C10orf90: variants seen among roughly 807,000 people sequenced by gnomAD.
The protein encoded by C10orf90 is (E2-independent) E3 ubiquitin-conjugating enzyme FATS.
Under a neutral mutation model 62.5 loss-of-function variants are expected in C10orf90, and 56 were observed. The ratio of observed to expected loss-of-function variants is 0.90; its 90% CI spans 0.72 to 1.12. The LOEUF is 1.12. C10orf90 is among the 50% of genes most tolerant of loss of function. The pLI, the probability that C10orf90 is intolerant of heterozygous loss-of-function variation, is 0.00. For synonymous variants in C10orf90, 386 were observed against 340.4 expected (o/e 1.13, Z -1.47); for missense variants, 970 against 880.4 (o/e 1.10, Z -1.29).
intron 2 of C10orf90, among the ~76,000 whole-genome samples, chr10:126,638,185 T>C (rs1845990302): frequency 6.6e-6 from 1 of 152,124 alleles, no homozygotes; most frequent in Non-Finnish European, 1.5e-5. Flanking sequence ...AACTCAGATT[T>C]CTGCATTGCT....
intron 2 of C10orf90, among the ~76,000 whole-genome samples, chr10:126,565,327 ATT>A (rs1447027620): frequency 2.0e-5 from 1 of 49,078 alleles, no homozygotes; most frequent in African/African-American, 1.0e-4. Context: ...TATATTATAT[ATT>A]TATATTATAT....
chr10:126,466,391 CAA>C (rs1183831342), intron 4 of C10orf90, among the ~76,000 whole-genome samples: 26 of 141,990 alleles, frequency 1.8e-4, no homozygotes, highest in Admixed American at 1.5e-3. Context: ...CACACACACA[CAA>C]AAGAATATTC....
intron 2 of C10orf90, among the ~76,000 whole-genome samples, chr10:126,546,046 A>G (rs1395096739): frequency 6.6e-6 from 1 of 152,184 alleles, no homozygotes; most frequent in African/African-American, 2.4e-5. Flanking sequence ...TGTCTCATGC[A>G]TCTCAGACTT....
chr10:126,595,758 G>A (rs947648017), intron 2 of C10orf90, among the ~76,000 whole-genome samples: 10 of 152,222 alleles, frequency 6.6e-5, no homozygotes, highest in African/African-American at 1.7e-4. Context: ...CAATAAAGGC[G>A]AATATAGCAG....
intron 2 of C10orf90, among the ~76,000 whole-genome samples, chr10:126,563,183 T>G (rs1864942074): frequency 6.6e-6 from 1 of 152,210 alleles, no homozygotes; most frequent in African/African-American, 2.4e-5. Flanking sequence ...GTCCACTCAC[T>G]GCCTTGGGCC....
At chr10:126,667,128 G>A (rs961079274) in intron 1 of C10orf90, among the ~76,000 whole-genome samples, 25 of 151,700 alleles carry the variant, frequency 1.6e-4, no homozygotes, top group East Asian at 1.4e-3. Flanking sequence ...GCACAATCTC[G>A]GCTCATTGCA....
At chr10:126,616,733 A>C (rs1396656655) in intron 2 of C10orf90, among the ~76,000 whole-genome samples, 1 of 152,194 alleles carries the variant, frequency 6.6e-6, no homozygotes, top group Non-Finnish European at 1.5e-5. Context: ...TTCACCATTA[A>C]AGCCAAGCTT....
At chr10:126,449,047 T>A (rs1455111540) in intron 7 of C10orf90, among the ~76,000 whole-genome samples, 1 of 152,204 alleles carries the variant, frequency 6.6e-6, no homozygotes, top group East Asian at 1.9e-4. Flanking sequence ...GAGGCCATCA[T>A]TACTCTGACA....
chr10:126,447,424 TG>T (rs1359065884), intron 7 of C10orf90, among the ~76,000 whole-genome samples: 1 of 152,040 alleles, frequency 6.6e-6, no homozygotes, highest in African/African-American at 2.4e-5. Context: ...AGTCCAAAAC[TG>T]TAAAAAGAGA....
At chr10:126,617,103 C>T (rs73386876) in intron 2 of C10orf90, among the ~76,000 whole-genome samples, 7,343 of 152,220 alleles carry the variant, frequency 0.048, 523 homozygotes, top group African/African-American at 0.16. Context: ...CAAAGAGAAG[C>T]AGAGCAAAAA....
chr10:126,555,750 C>G (rs1864755644), intron 2 of C10orf90, among the ~76,000 whole-genome samples: 1 of 149,904 alleles, frequency 6.7e-6, no homozygotes, highest in African/African-American at 2.5e-5. Context: ...CTAATCAAAT[C>G]CTCCAAATTT....
chr10:126,505,277 G>A (rs1862665484), intron 3 of C10orf90, among the ~76,000 whole-genome samples, 192 bp from the exon 4 acceptor site: 1 of 152,170 alleles, frequency 6.6e-6, no homozygotes, highest in Admixed American at 6.5e-5. Flanking sequence ...TTTATGACAA[G>A]TTACACGTTC....
At chr10:126,665,209 C>T (rs1390194509) in intron 1 of C10orf90, among the ~76,000 whole-genome samples, 2 of 152,124 alleles carry the variant, frequency 1.3e-5, no homozygotes, top group African/African-American at 4.8e-5. Flanking sequence ...GCAGTCAGAG[C>T]CATAAGCACA....
At chr10:126,603,372 T>G (rs554188006) in intron 2 of C10orf90, among the ~76,000 whole-genome samples, 57 of 152,192 alleles carry the variant, frequency 3.7e-4, no homozygotes, top group Middle Eastern at 3.4e-3. Flanking sequence ...GAACTCACTA[T>G]CACAAGAAGA....
At chr10:126,583,665 C>A (rs1844798990) in intron 2 of C10orf90, among the ~76,000 whole-genome samples, 1 of 152,152 alleles carries the variant, frequency 6.6e-6, no homozygotes, top group Admixed American at 6.5e-5. Flanking sequence ...GGCTCTGCCC[C>A]CCACCTTGCC....
At position 126,504,509 on chromosome 10, in the gene C10orf90, C is replaced by T; in HGVS notation, c.982G>A (p.Glu328Lys). The change falls in exon 4 of 10, where the codon GAG becomes AAG. Residue 328 changes from glutamate to lysine, a missense_variant. Transcript: ENST00000488181. This position sits in a 1 kb window ranked among gnomAD's most constrained non-coding sequence, Gnocchi z 4.1. Reference sequence around the variant, plus strand: ...GGGGTGTCTGGAGAAAAACTGGTCTCTTTGTCGTCTGCATGGGTGACCCAG... The same window carrying T: ...GGGGTGTCTGGAGAAAAACTGGTCTTTTTGTCGTCTGCATGGGTGACCCAG... ...KYWVTHADDK[E>K]TSFSPDTPLS... 1 of 1,614,226 alleles carries T rather than the reference C, an allele frequency of 6.2e-7. No individual in the cohort carries two copies.
intron 2 of C10orf90, among the ~76,000 whole-genome samples, chr10:126,577,221 C>T (rs1314461412): frequency 6.6e-6 from 1 of 151,798 alleles, no homozygotes; most frequent in Non-Finnish European, 1.5e-5. Context: ...GATTCCTATG[C>T]ATTGTATATA....
chr10:126,485,601 G>A (rs1197983102), intron 4 of C10orf90, among the ~76,000 whole-genome samples: 1 of 152,036 alleles, frequency 6.6e-6, no homozygotes, highest in Non-Finnish European at 1.5e-5. Context: ...CCTGCCATTT[G>A]GTAGACTAGA....
At chr10:126,467,281 G>A (rs1467232420) in intron 4 of C10orf90, among the ~76,000 whole-genome samples, 2 of 152,200 alleles carry the variant, frequency 1.3e-5, no homozygotes, top group African/African-American at 2.4e-5. Flanking sequence ...GAAATATGCA[G>A]CCAAAGAAGG....
Sources: gnomAD v4.1 joint callset for allele counts (sites outside exome capture counted in the v4.1 genomes callset) on GRCh38, gnomAD v4.1.1 for gene constraint, Gnocchi (gnomAD v3.1) non-coding constraint, MANE v1.5 for transcripts, NCBI Gene and HGNC (gene_info 2026-07-23, HGNC 2026-07-21) for gene names.